NAV2: variants seen among roughly 807,000 people sequenced by gnomAD.
NAV2 encodes the protein helicase, APC down-regulated 1.
In NAV2, 54 loss-of-function variants were observed where a neutral mutation model predicts 223.2. The observed-to-expected ratio is 0.24, with a 90% CI of 0.19 to 0.30. NAV2 has a LOEUF of 0.30. Among genes scored for constraint, NAV2 ranks in the 10% least tolerant of loss-of-function variants. The probability of loss-of-function intolerance (pLI) is 1.00; values close to 1 mark genes in which losing one functional copy is unlikely to be tolerated. For synonymous variants in NAV2, 1,279 were observed against 1,239.3 expected, an observed-to-expected ratio of 1.03 and a Z score of -0.67; for missense variants, 2,806 against 3,147.5, an observed-to-expected ratio of 0.89 and a Z score of 2.60.
intron 3 of NAV2, among the ~76,000 whole-genome samples, chr11:19,863,281 A>C (rs950638963): frequency 6.6e-6 from 1 of 152,058 alleles, no homozygotes; most frequent in Non-Finnish European, 1.5e-5. Flanking sequence ...ATGTGGCCCC[A>C]TCTACTCTTG....
intron 1 of NAV2, among the ~76,000 whole-genome samples, chr11:19,395,404 T>G (rs1247230291): frequency 6.6e-6 from 1 of 152,236 alleles, no homozygotes; most frequent in South Asian, 2.1e-4. Flanking sequence ...GACTCTTGTT[T>G]CTGACAAAAC....
chr11:19,546,374 AG>A (rs1339735717), intron 1 of NAV2, among the ~76,000 whole-genome samples: 2 of 152,174 alleles, frequency 1.3e-5, no homozygotes, highest in African/African-American at 2.4e-5. Flanking sequence ...TGACCAATGG[AG>A]GCCCCATGCT....
chr11:19,707,318 T>G (rs1366638698), intron 1 of NAV2, among the ~76,000 whole-genome samples: 1 of 152,264 alleles, frequency 6.6e-6, no homozygotes, highest in Non-Finnish European at 1.5e-5. Flanking sequence ...GAAATAACAC[T>G]TAGCTTAAAA....
At chr11:20,027,844 T>C (rs1026834796) in intron 11 of NAV2, 1 of 152,258 alleles carries the variant, frequency 6.6e-6, no homozygotes, top group Non-Finnish European at 1.5e-5. Context: ...GATCCTTCAA[T>C]AACTCCTCCT....
intron 1 of NAV2, among the ~76,000 whole-genome samples, chr11:19,755,998 C>T (rs2054201032): frequency 1.3e-5 from 2 of 152,186 alleles, no homozygotes; most frequent in South Asian, 4.2e-4. Flanking sequence ...ATCACAACTG[C>T]TTTCAAAAAG....
At chr11:19,869,398 A>C (rs891897565) in intron 4 of NAV2, among the ~76,000 whole-genome samples, 1 of 152,206 alleles carries the variant, frequency 6.6e-6, no homozygotes, top group Non-Finnish European at 1.5e-5. Flanking sequence ...CTTAATCCTT[A>C]TCTCTTTTAT....
chr11:19,889,760 TGGAGCCCACAGA>T (rs2041334221), intron 5 of NAV2, among the ~76,000 whole-genome samples: 1 of 152,076 alleles, frequency 6.6e-6, no homozygotes, highest in Admixed American at 6.5e-5. Context: ...TTCCAGAGAG[TGGAGCCCACAGA>T]TACCCCAAGT....
chr11:19,406,879 A>G (rs901148508), intron 1 of NAV2, among the ~76,000 whole-genome samples: 1 of 151,826 alleles, frequency 6.6e-6, no homozygotes, highest in Admixed American at 6.6e-5. Context: ...CACCTCTCTG[A>G]CTCCAAACTT....
At chr11:19,653,264 C>G (rs1275942715) in intron 1 of NAV2, among the ~76,000 whole-genome samples, 1 of 152,180 alleles carries the variant, frequency 6.6e-6, no homozygotes, top group Non-Finnish European at 1.5e-5. Flanking sequence ...ATGTACCAGC[C>G]TGAGTTCTTA....
chr11:19,533,867 C>T lies in NAV2; in HGVS notation c.75+182840C>T, dbSNP rs929116315. 2.2e-4 allele frequency among the ~76,000 whole-genome samples: 32 copies of T among 145,188 alleles called. 5 individuals carry two copies. The highest frequency in any genetic ancestry group is 7.7e-4 in the African/African-American group (27 of 34,978). ...GACTACAGGCGCCCGCCACTACGCC[C>T]GGCTAATTTTTTGTATTTTTAGTAG... On this transcript the variant is annotated intron_variant, in intron 1 of 37. Transcript: ENST00000360655.
At chr11:20,026,501 G>C (rs1038032736) in intron 11 of NAV2, among the ~76,000 whole-genome samples, 1 of 152,032 alleles carries the variant, frequency 6.6e-6, no homozygotes, top group African/African-American at 2.4e-5. Context: ...TAGTAGAGAA[G>C]GGGTTTCACT....
intron 27 of NAV2, among the ~76,000 whole-genome samples, chr11:20,091,490 C>T (rs1478210396): frequency 6.6e-6 from 1 of 152,224 alleles, no homozygotes; most frequent in Non-Finnish European, 1.5e-5. Context: ...CGGCCTGATT[C>T]CTTTCCAAGT....
intron 23 of NAV2, 67 bp from the exon 24 acceptor site, chr11:20,077,926 G>A (rs2059863063): frequency 6.2e-6 from 8 of 1,299,696 alleles, no homozygotes; most frequent in Non-Finnish European, 6.6e-6. Context: ...TTGAAGCCAA[G>A]TTGTACTTCA....
chr11:19,404,581 T>G (rs1463157430), intron 1 of NAV2, among the ~76,000 whole-genome samples: 1 of 152,188 alleles, frequency 6.6e-6, no homozygotes, highest in Non-Finnish European at 1.5e-5. Context: ...GAATAGTGAG[T>G]CTTTTTTTTT....
intron 1 of NAV2, among the ~76,000 whole-genome samples, chr11:19,386,984 T>A (rs1449858289): frequency 1.3e-5 from 2 of 152,048 alleles, no homozygotes; most frequent in African/African-American, 4.8e-5. Flanking sequence ...GCTACACAGG[T>A]GGTTACTGCC....
intron 31 of NAV2, among the ~76,000 whole-genome samples, chr11:20,098,072 A>G (rs547747915): frequency 5.5e-4 from 83 of 152,292 alleles, no homozygotes; most frequent in African/African-American, 1.9e-3. Context: ...CAAGCTTTGG[A>G]TGCAGTCCCG....
At chr11:19,368,566 T>C (rs1420048248) in intron 1 of NAV2, among the ~76,000 whole-genome samples, 1 of 152,158 alleles carries the variant, frequency 6.6e-6, no homozygotes, top group African/African-American at 2.4e-5. Context: ...TCCCTTATAA[T>C]GTTGTTATGA....
intron 7 of NAV2, among the ~76,000 whole-genome samples, chr11:19,934,531 A>G (rs540580967): frequency 2.0e-5 from 3 of 152,154 alleles, no homozygotes; most frequent in African/African-American, 7.2e-5. Flanking sequence ...CCCAGGATGC[A>G]TAGGAAAGTG....
intron 1 of NAV2, among the ~76,000 whole-genome samples, chr11:19,717,139 G>A (rs897898838): frequency 3.3e-5 from 5 of 152,190 alleles, no homozygotes; most frequent in Admixed American, 1.3e-4. Context: ...ACTTGCTCTC[G>A]GTCATCCAGG....
Sources: gnomAD v4.1 joint callset for allele counts (sites outside exome capture counted in the v4.1 genomes callset) on GRCh38, gnomAD v4.1.1 for gene constraint, MANE v1.5 for transcripts, NCBI Gene and HGNC (gene_info 2026-07-23, HGNC 2026-07-21) for gene names.